The following SLC35B4 variants were observed in gnomAD, a reference collection of about 807,000 sequenced individuals.
SLC35B4 encodes solute carrier family 35 member B4.
In SLC35B4, 28 loss-of-function variants were observed where a neutral mutation model predicts 39.5. The observed-to-expected ratio is 0.71, with a 90% confidence interval of 0.53 to 0.97. The LOEUF is 0.97. Ranked by LOEUF, SLC35B4 falls within the 50% of genes least tolerant of loss-of-function variation. SLC35B4 has a pLI of 0.00. For missense variants in SLC35B4, 334 were observed against 414.3 expected (o/e 0.81, Z 1.68); for synonymous variants, 145 against 150.4 (o/e 0.96, Z 0.26).
At chr7:134,301,410 G>A (rs951561611) in intron 6 of SLC35B4, among the ~76,000 whole-genome samples, 1 of 152,164 alleles carries the variant, frequency 6.6e-6, no homozygotes, top group Non-Finnish European at 1.5e-5. Context: ...AGAGTCAATT[G>A]CTCTAACGTG....
rs571100126 is a variant in SLC35B4 at position 134,289,477 on chromosome 7, G to C, written c.*5356C>G. The C allele has an allele frequency of 1.3e-5, 2 of 152,564 alleles. No individual in the cohort carries two copies. Among genetic ancestry groups the C allele is most frequent in the Non-Finnish European group, 2.9e-5 (2 of 68,058 alleles). 9.5% of individuals were successfully genotyped at this position (152,564 alleles called of 1,614,324 possible). A position where few individuals can be genotyped will look rare whatever the true frequency, so the allele number is the denominator to read the frequency against. On this transcript the variant is annotated 3_prime_UTR_variant, in exon 10 of 10. Coordinates refer to ENST00000378509, the MANE Select transcript of SLC35B4 (RefSeq NM_032826.5). ...CACTAATGTCTTGTAGCTGTTCTAC[G>C]TACTCTCAGCTTTCTACTCCCTCCT...
At chr7:134,300,001 G>A in intron 7 of SLC35B4, 151 bp downstream of exon 7, 1 of 577,818 alleles carries the variant, frequency 1.7e-6, no homozygotes, top group Non-Finnish European at 3.0e-6. Flanking sequence ...ACCCACCAGA[G>A]CATCCCATCA....
chr7:134,315,642 CA>C (rs376704817), intron 1 of SLC35B4, among the ~76,000 whole-genome samples: 8 of 100,000 alleles, frequency 8.0e-5, no homozygotes, highest in African/African-American at 7.3e-5. Context: ...CTCCCAAATC[CA>C]AAAAAAAAAC....
intron 1 of SLC35B4, among the ~76,000 whole-genome samples, chr7:134,310,301 C>T (rs2117313955): frequency 6.6e-6 from 1 of 152,244 alleles, no homozygotes; most frequent in East Asian, 1.9e-4. Context: ...GGGGAAGATT[C>T]CCCACATTCA....
intron 8 of SLC35B4, 35 bp downstream of exon 8, chr7:134,299,488 T>C: frequency 2.0e-6 from 3 of 1,527,160 alleles, no homozygotes; most frequent in Non-Finnish European, 2.7e-6. Context: ...CCTCAGAAAC[T>C]GTCAGGTAAT....
At chr7:134,302,263 T>C (rs1386438309) in intron 4 of SLC35B4, among the ~76,000 whole-genome samples, 153 bp from the exon 5 acceptor site, 4 of 152,214 alleles carry the variant, frequency 2.6e-5, no homozygotes, top group African/African-American at 9.6e-5. Flanking sequence ...GAAGTATGCA[T>C]ATGAATGAAT....
In SLC35B4 at chr7:134,316,926, C is replaced by T. The variant is rs1585650482; in HGVS notation, c.-175G>A. ...TCTCCCGCGGCCAACACCGACGCTG[C>T]CAAGAAGCTGTAGTTCGCAGTCAGC... On this transcript the variant is annotated 5_prime_UTR_variant, in exon 1 of 10. Transcript: ENST00000378509. The T allele has an allele frequency of 8.1e-6, 5 of 615,400 alleles. No individual in the cohort carries two copies. In the Admixed American group the frequency reaches 1.4e-4, roughly 18 times the overall value. The allele number at this position is 615,400 out of a possible 1,614,324, so 38.1% of individuals were successfully genotyped here.
Position 134,309,435 on chromosome 7 carries a change from A to G in SLC35B4, c.122T>C (p.Leu41Ser), listed in dbSNP as rs747020722. ...GAGGAAGCCTTCCACAGCAATAAAT[A>G]AAAATTGTGCAAATGTCACAATGTT... ...CGNIVTFAQF[L>S]FIAVEGFLFE... Residue 41 changes from leucine to serine, a missense_variant, in exon 2 of 10, where the codon TTA (leucine) becomes TCA (serine). By Grantham distance (145) the Leu-to-Ser change is moderately radical. Coordinates refer to ENST00000378509, the MANE Select transcript of SLC35B4 (RefSeq NM_032826.5). 12 of 1,611,552 alleles carry G rather than the reference A, an allele frequency of 7.4e-6. No homozygotes were observed. The East Asian group carries it at 2.5e-4, about 33-fold the overall frequency.
At chr7:134,309,989 C>T (rs1363137803) in intron 1 of SLC35B4, among the ~76,000 whole-genome samples, 1 of 152,118 alleles carries the variant, frequency 6.6e-6, no homozygotes, top group Non-Finnish European at 1.5e-5. Flanking sequence ...TTAAATGGTG[C>T]CCAGCAACGG....
upstream of SLC35B4, among the ~76,000 whole-genome samples, chr7:134,319,067 C>T (rs969051497): frequency 3.6e-4 from 55 of 152,160 alleles, no homozygotes; most frequent in African/African-American, 1.2e-3. Context: ...CCTCTCTATC[C>T]TCCCCTCTCA....
intron 9 of SLC35B4, among the ~76,000 whole-genome samples, chr7:134,295,369 G>C (rs1803440012): frequency 6.6e-6 from 1 of 151,950 alleles, no homozygotes; most frequent in Non-Finnish European, 1.5e-5. Flanking sequence ...AGAGGGTGAC[G>C]CTCTCGGTAA....
intron 2 of SLC35B4, among the ~76,000 whole-genome samples, chr7:134,308,707 C>T (rs1488505436): frequency 6.6e-6 from 1 of 152,170 alleles, no homozygotes; most frequent in Non-Finnish European, 1.5e-5. Flanking sequence ...GGATGGATTA[C>T]ACTTTTATCT....
upstream of SLC35B4, among the ~76,000 whole-genome samples, chr7:134,318,977 G>T (rs1024239289): frequency 6.6e-6 from 1 of 152,140 alleles, no homozygotes; most frequent in Non-Finnish European, 1.5e-5. Flanking sequence ...TTTCTAAGTA[G>T]CTCCCAGGTG....
Position 134,306,734 on chromosome 7 carries a change from C to A in SLC35B4, c.232G>T (p.Val78Leu), listed in dbSNP as rs777660369. The part of the protein sequence containing the change: ...IMVTMFFTVS[V>L]VNNYALNLNI... ...AGATTCAGGGCATAGTTGTTCACCACGCTCACGGTGAAGAACATGGTCACC... is the reference window on the plus strand; with the variant it reads ...AGATTCAGGGCATAGTTGTTCACCAAGCTCACGGTGAAGAACATGGTCACC... Residue 78 changes from valine (V) to leucine (L), a missense_variant, in exon 3 of 10, where the codon GTG becomes TTG. Physicochemically the swap from Val to Leu is conservative, Grantham distance 32. Coordinates refer to ENST00000378509, the MANE Select transcript of SLC35B4 (RefSeq NM_032826.5). The A allele has an allele frequency of 6.2e-7, 1 of 1,613,956 alleles. No homozygotes were observed. The highest frequency in any genetic ancestry group is 1.3e-5 in the African/African-American group (1 of 75,036).
At position 134,294,988 on chromosome 7, in the gene SLC35B4, G is replaced by C; in HGVS notation, c.841C>G (p.Leu281Val). 1.9e-6 allele frequency: 3 copies of C among 1,614,170 alleles called. No individual in the cohort carries two copies. Among genetic ancestry groups the C allele is most frequent in the Non-Finnish European group, 2.5e-6 (3 of 1,180,030 alleles). The change falls in exon 10 of 10, where the codon CTC becomes GTC. Residue 281 changes from leucine (L) to valine (V), a missense_variant. Transcript: ENST00000378509. Reference protein sequence around the residue: ...LVVTLRKFVSLIFSILYFQNP... With the variant: ...LVVTLRKFVSVIFSILYFQNP... ...TGGAAGTACAAGATGGAAAAGATGA[G>C]GCTCACAAATTTGCGTAGGGTCACG... is the stretch of plus-strand genomic sequence containing the variant.
intron 2 of SLC35B4, among the ~76,000 whole-genome samples, chr7:134,308,756 C>T (rs1031187447): frequency 3.2e-4 from 48 of 152,186 alleles, no homozygotes; most frequent in Admixed American, 4.6e-4. Context: ...TTTCAATACA[C>T]TGTTTAACAT....
Position 134,301,816 on chromosome 7 carries a change from G to A in SLC35B4, c.432C>T (p.Ser144=), listed in dbSNP as rs1416773678. Residue 144 remains serine (S), a synonymous_variant, in exon 6 of 10, where the codon TCC becomes TCT. Coordinates refer to ENST00000378509, the MANE Select transcript of SLC35B4 (RefSeq NM_032826.5). The stretch of plus-strand genomic sequence containing the variant: ...CATCATTCTCACTCAAGCTGGACTG[G>A]GAAGTCTAGGAAATAAGAAAATAAA... The part of the protein sequence containing the change: ...CTFMSAKQVT[S]QSSLSENDGF... The A allele has an allele frequency of 6.2e-7, 1 of 1,613,840 alleles. No homozygotes were observed. The highest frequency in any genetic ancestry group is 1.3e-5 in the African/African-American group (1 of 74,900).
chr7:134,316,682 G>T lies in SLC35B4; in HGVS notation c.70C>A (p.Leu24Met). 1 of 1,550,436 alleles carries T rather than the reference G, an allele frequency of 6.4e-7. No individual in the cohort carries two copies. The highest frequency in any genetic ancestry group is 1.7e-4 in the Middle Eastern group (1 of 5,826). Residue 24 changes from leucine (L) to methionine (M), a missense_variant, in exon 1 of 10, where the codon CTG becomes ATG. Leu to Met is a conservative substitution (Grantham distance 15). Coordinates refer to ENST00000378509, the MANE Select transcript of SLC35B4 (RefSeq NM_032826.5). ...CCSNVIFLELLARKHPGCGNI... is the reference protein window; with the variant it reads ...CCSNVIFLELMARKHPGCGNI... The stretch of plus-strand genomic sequence containing the variant: ...CCCGAGCGGGTCACTCACCGGGCCA[G>T]GAGCTCTAGGAAGATCACGTTACTG...
chr7:134,310,470 T>C (rs938686219), intron 1 of SLC35B4, among the ~76,000 whole-genome samples: 3 of 152,176 alleles, frequency 2.0e-5, no homozygotes, highest in African/African-American at 7.2e-5. Context: ...AAGTGAGCAG[T>C]TATCTTTGCT....
Sources: allele counts gnomAD v4.1 joint callset (sites outside exome capture counted in the v4.1 genomes callset), GRCh38; gene constraint gnomAD v4.1.1; transcripts MANE v1.5; gene names NCBI Gene and HGNC (gene_info 2026-07-23, HGNC 2026-07-21).